The following INSL6 variants were observed in gnomAD, a reference collection of about 807,000 sequenced individuals.
The protein encoded by INSL6 is insulin like 6.
Under a neutral mutation model 9.4 loss-of-function variants are expected in INSL6, and 16 were observed. That is an observed-to-expected ratio of 1.70 (90% CI 1.15 to 2.59). The LOEUF (loss-of-function observed/expected upper bound fraction) is 2.59, where lower values mean the gene tolerates loss of function less well. Ranked by LOEUF, INSL6 falls within the 30% of genes most tolerant of loss-of-function variation. INSL6 has a pLI of 0.00. For synonymous variants in INSL6, 154 were observed against 96.9 expected, an observed-to-expected ratio of 1.59 and a Z score of -3.46; for missense variants, 391 against 257.3, an observed-to-expected ratio of 1.52 and a Z score of -3.56.
the INSL6 span, among the ~76,000 whole-genome samples, chr9:5,039,103 A>G: frequency 1.3e-5 from 2 of 152,130 alleles, no homozygotes; most frequent in African/African-American, 4.8e-5. Context: ...GAATGAGATG[A>G]GGATAGCTAC....
At chr9:5,052,957 T>C in the INSL6 span, among the ~76,000 whole-genome samples, 2 of 152,086 alleles carry the variant, frequency 1.3e-5, no homozygotes, top group African/African-American at 4.8e-5. Flanking sequence ...CTATGAACAG[T>C]TGTATATGAG....
chr9:5,049,542 T>A, the INSL6 span, among the ~76,000 whole-genome samples: 6 of 152,340 alleles, frequency 3.9e-5, no homozygotes, highest in African/African-American at 1.4e-4. Flanking sequence ...CTGAATATAA[T>A]CTTAACTTTC....
At chr9:5,022,204 A>G in the INSL6 span, 9 of 1,612,728 alleles carry the variant, frequency 5.6e-6, no homozygotes, top group East Asian at 2.2e-5. Context: ...TGCTGCTTCT[A>G]AAGCTTGTGG....
At chr9:5,080,235 A>G in the INSL6 span, 1 of 1,610,220 alleles carries the variant, frequency 6.2e-7, no homozygotes, top group Non-Finnish European at 8.5e-7. Flanking sequence ...AAAGTTCTTC[A>G]GGAGAGAATA....
chr9:5,112,150 G>A, the INSL6 span: 5 of 297,916 alleles, frequency 1.7e-5, no homozygotes, highest in East Asian at 1.0e-4. Context: ...GGCTAGCAAC[G>A]TGCACACGCT....
chr9:5,059,986 T>A, the INSL6 span, among the ~76,000 whole-genome samples: 4 of 152,176 alleles, frequency 2.6e-5, no homozygotes. Flanking sequence ...CAGAGATATT[T>A]CTAGTTCAGT....
the INSL6 span, chr9:5,070,043 T>C: frequency 1.2e-6 from 2 of 1,601,106 alleles, no homozygotes; most frequent in East Asian, 4.5e-5. Flanking sequence ...GAAATGAAGA[T>C]TTGATATTTG....
downstream of INSL6, among the ~76,000 whole-genome samples, chr9:5,120,258 A>G (rs1186018461): frequency 3.3e-5 from 5 of 152,228 alleles, no homozygotes; most frequent in Non-Finnish European, 5.9e-5. Flanking sequence ...CCTTAATCCT[A>G]TTCATGAGGG....
chr9:5,078,365 A>AGAAGACAG, the INSL6 span: 2 of 1,612,876 alleles, frequency 1.2e-6, no homozygotes, highest in Non-Finnish European at 1.7e-6. Flanking sequence ...TTATCAGAGA[A>AGAAGACAG]GAAGACAGGA....
the INSL6 span, among the ~76,000 whole-genome samples, chr9:5,059,320 T>A: frequency 4.6e-5 from 7 of 152,236 alleles, no homozygotes; most frequent in Non-Finnish European, 7.3e-5. Context: ...TGATACTGTA[T>A]GTATTCTTTT....
At chr9:5,018,428 A>G in the INSL6 span, among the ~76,000 whole-genome samples, 4 of 152,012 alleles carry the variant, frequency 2.6e-5, no homozygotes, top group African/African-American at 9.7e-5. Context: ...CTCGACCTCC[A>G]TGGTCTCAGG....
At chr9:5,171,164 G>A (rs1387102817) in intron 1 of INSL6, among the ~76,000 whole-genome samples, 1 of 152,062 alleles carries the variant, frequency 6.6e-6, no homozygotes, top group Non-Finnish European at 1.5e-5. Flanking sequence ...CATGTCCAGG[G>A]TGCAAGGGTG....
chr9:5,163,895 G>C lies in INSL6; in HGVS notation c.*18C>G. ...AATGTATTAAGCTTTTATTAGGTTA[G>C]AAAAAATTCTAAGATGGTTAGTATA... On this transcript the variant is annotated 3_prime_UTR_variant, in exon 2 of 2. Transcript: ENST00000381641. 2.0e-6 allele frequency: 3 copies of C among 1,505,082 alleles called. No individual in the cohort carries two copies. The highest frequency in any genetic ancestry group is 2.7e-6 in the Non-Finnish European group (3 of 1,095,852). The allele number at this position is 1,505,082 out of a possible 1,614,324, so 93.2% of individuals were successfully genotyped here. A position where few individuals can be genotyped will look rare whatever the true frequency, so the allele number is the denominator to read the frequency against.
At chr9:5,031,160 C>G in the INSL6 span, among the ~76,000 whole-genome samples, 1 of 152,136 alleles carries the variant, frequency 6.6e-6, no homozygotes, top group Admixed American at 6.5e-5. Context: ...ATATCCTTAG[C>G]TCTAAGCCAA....
chr9:5,022,405 G>T, the INSL6 span, among the ~76,000 whole-genome samples: 1 of 151,948 alleles, frequency 6.6e-6, no homozygotes, highest in Non-Finnish European at 1.5e-5. Flanking sequence ...CCTTGGGCTA[G>T]GTATCAAAAC....
the INSL6 span, among the ~76,000 whole-genome samples, chr9:5,088,795 T>C: frequency 3.3e-5 from 5 of 152,234 alleles, no homozygotes; most frequent in Non-Finnish European, 7.3e-5. Flanking sequence ...CTCTAATGTC[T>C]CTTCCTCTTA....
At chr9:5,108,669 C>G in the INSL6 span, 1 of 152,038 alleles carries the variant, frequency 6.6e-6, no homozygotes, top group South Asian at 2.1e-4. Context: ...TACCCTTATC[C>G]TCAGCCCCCT....
the INSL6 span, among the ~76,000 whole-genome samples, chr9:5,115,361 G>A: frequency 3.3e-5 from 5 of 152,274 alleles, no homozygotes; most frequent in South Asian, 8.3e-4. Context: ...CCAGAGTGAG[G>A]TACCATCTCA....
the INSL6 span, chr9:5,098,736 C>G: frequency 6.6e-6 from 1 of 151,694 alleles, no homozygotes; most frequent in African/African-American, 2.4e-5. Flanking sequence ...CTCTGTCGCC[C>G]AGGCTGCAGT....
Sources: gnomAD v4.1 joint callset for allele counts (sites outside exome capture counted in the v4.1 genomes callset) on GRCh38, gnomAD v4.1.1 for gene constraint, MANE v1.5 for transcripts, NCBI Gene and HGNC (gene_info 2026-07-23, HGNC 2026-07-21) for gene names.